Variants in CLIP4 observed in about 807,000 individuals in gnomAD.
CLIP4 encodes the protein CAP-Gly domain containing linker protein family member 4.
In CLIP4, 47 loss-of-function variants were observed where a neutral mutation model predicts 73.1. That is an observed-to-expected ratio of 0.64 (90% CI 0.51 to 0.82). The LOEUF (loss-of-function observed/expected upper bound fraction) is 0.82, where lower values mean the gene tolerates loss of function less well. Ranked by LOEUF, CLIP4 falls within the 40% of genes least tolerant of loss-of-function variation. The pLI, the probability that CLIP4 is intolerant of heterozygous loss-of-function variation, is 0.00. For missense variants in CLIP4, 874 were observed against 852.9 expected, an observed-to-expected ratio of 1.02 and a Z score of -0.31; for synonymous variants, 306 against 295.4, an observed-to-expected ratio of 1.04 and a Z score of -0.37.
At position 29,166,753 on chromosome 2, in the gene CLIP4, T is replaced by TG. The variant is rs1329693446; in HGVS notation, c.1659-722dup. Among the ~76,000 whole-genome samples the TG allele has an allele frequency of 5.3e-5, 8 of 152,330 alleles. No individual in the cohort carries two copies. The East Asian group carries it at 1.5e-3, about 29-fold the overall frequency. On this transcript the variant is annotated intron_variant, in intron 13 of 15. Coordinates refer to ENST00000320081, the MANE Select transcript of CLIP4 (RefSeq NM_024692.6). ...CCATCAGTCTCTCATTGCAGTATGT[T>TG]GTATATCATGTAAAAATGATGCCTA...
At chr2:29,135,804 A>G in intron 6 of CLIP4, 138 bp downstream of exon 6, 1 of 578,632 alleles carries the variant, frequency 1.7e-6, no homozygotes, top group Non-Finnish European at 3.0e-6. Context: ...CCACATGTAA[A>G]GAGTGATGAT....
intron 1 of CLIP4, among the ~76,000 whole-genome samples, chr2:29,119,636 T>C (rs993776431): frequency 2.6e-5 from 4 of 152,236 alleles, no homozygotes; most frequent in African/African-American, 7.2e-5. Context: ...GTTTGGTCTT[T>C]GATGAGGTAT....
At chr2:29,150,310 G>A (rs901966354) in intron 8 of CLIP4, among the ~76,000 whole-genome samples, 18 of 152,142 alleles carry the variant, frequency 1.2e-4, no homozygotes, top group Non-Finnish European at 1.5e-5. Context: ...AAGGTGGAGA[G>A]GGCTACCCTT....
chr2:29,152,636 T>C, intron 8 of CLIP4, 49 bp from the exon 9 acceptor site: 1 of 1,578,452 alleles, frequency 6.3e-7, no homozygotes, highest in African/African-American at 1.4e-5. Flanking sequence ...TGTTCCTTTA[T>C]TTGAAATGTT....
upstream of CLIP4, among the ~76,000 whole-genome samples, chr2:29,112,908 T>C (rs1036787448): frequency 2.0e-5 from 3 of 152,246 alleles, no homozygotes; most frequent in Non-Finnish European, 4.4e-5. Flanking sequence ...CTATTTCCTC[T>C]AACCCTTTTA....
chr2:29,144,275 TTC>T (rs541854445), intron 7 of CLIP4, among the ~76,000 whole-genome samples: 146 of 152,156 alleles, frequency 9.6e-4, no homozygotes, highest in Non-Finnish European at 1.9e-3. Flanking sequence ...CCAGTGGTAC[TTC>T]TCTGACTGCT....
At chr2:29,147,294 A>T (rs920771246) in intron 8 of CLIP4, among the ~76,000 whole-genome samples, 1 of 152,068 alleles carries the variant, frequency 6.6e-6, no homozygotes, top group Non-Finnish European at 1.5e-5. Context: ...TTTTCCCAGT[A>T]AAAATTGGGA....
chr2:29,173,877 CT>C (rs1668167707), intron 14 of CLIP4, among the ~76,000 whole-genome samples: 1 of 151,962 alleles, frequency 6.6e-6, no homozygotes. Context: ...ACCATTTTAT[CT>C]TTTTCTTTTT....
chr2:29,148,991 A>G (rs1450295334), intron 8 of CLIP4, among the ~76,000 whole-genome samples: 2 of 152,222 alleles, frequency 1.3e-5, no homozygotes, highest in African/African-American at 2.4e-5. Context: ...TTCTCTCAGT[A>G]TATTTAAGGA....
chr2:29,110,097 C>T (rs1032635268), intron 1 of CLIP4, among the ~76,000 whole-genome samples: 1 of 151,980 alleles, frequency 6.6e-6, no homozygotes, highest in Non-Finnish European at 1.5e-5. Flanking sequence ...TAGCATGAAA[C>T]TAAACTAGAT....
Position 29,181,613 on chromosome 2 carries a change from C to T in CLIP4, c.1838C>T (p.Thr613Ile). Residue 613 changes from threonine to isoleucine, a missense_variant, in exon 16 of 16, where the codon ACC (threonine) becomes ATC (isoleucine). By Grantham distance (89) the Thr-to-Ile change is moderately conservative. Coordinates refer to ENST00000320081, the MANE Select transcript of CLIP4 (RefSeq NM_024692.6). ...ALRRSWSSTP[T>I]AGGIEGSVKL... ...CGTCGCAGTTGGAGCAGCACCCCCA[C>T]CGCAGGTGGCATTGAAGGGAGCGTG... The T allele has an allele frequency of 2.5e-6, 4 of 1,613,384 alleles. No individual in the cohort carries two copies. Among genetic ancestry groups the T allele is most frequent in the Middle Eastern group, 3.3e-4 (2 of 6,058 alleles).
intron 6 of CLIP4, among the ~76,000 whole-genome samples, chr2:29,136,730 G>A (rs1322337868): frequency 6.6e-6 from 1 of 152,084 alleles, no homozygotes; most frequent in Non-Finnish European, 1.5e-5. Context: ...AGCATCTTAG[G>A]CAGAGAGAGT....
intron 14 of CLIP4, among the ~76,000 whole-genome samples, chr2:29,171,268 C>T (rs1205735523): frequency 6.6e-6 from 1 of 152,102 alleles, no homozygotes; most frequent in Admixed American, 6.5e-5. Flanking sequence ...TCTTTGATTT[C>T]TTCCATCAGA....
chr2:29,134,073 A>T (rs1020788693), intron 5 of CLIP4, among the ~76,000 whole-genome samples: 1 of 152,158 alleles, frequency 6.6e-6, no homozygotes, highest in Non-Finnish European at 1.5e-5. Context: ...GTTCTCCAGT[A>T]TAACACGGAT....
chr2:29,132,313 T>TGGG lies in CLIP4; in HGVS notation c.367+69_367+70insGGG, dbSNP rs1665032749. 5 of 1,286,988 alleles carry TGGG rather than the reference T, an allele frequency of 3.9e-6. No homozygotes were observed. In the Admixed American group the frequency reaches 7.0e-5, roughly 18 times the overall value. 79.7% of individuals were successfully genotyped at this position (1,286,988 alleles called of 1,614,324 possible). On this transcript the variant is annotated intron_variant, in intron 4 of 15. Transcript: ENST00000320081. ...CTTGTGCTTAGATAATCTATATTTA[T>TGGG]GCCCATATATTGTCTGGGGGAAGGC... is the stretch of plus-strand genomic sequence containing the variant.
chr2:29,155,127 C>T (rs1426244747), intron 9 of CLIP4, among the ~76,000 whole-genome samples: 1 of 152,072 alleles, frequency 6.6e-6, no homozygotes, highest in Non-Finnish European at 1.5e-5. Context: ...AGTAATGTAA[C>T]CACACTCCAA....
chr2:29,119,700 T>C (rs1350748242), intron 1 of CLIP4, among the ~76,000 whole-genome samples: 1 of 152,186 alleles, frequency 6.6e-6, no homozygotes, highest in African/African-American at 2.4e-5. Context: ...CTGACTGTTT[T>C]CCTAGTCATA....
intron 11 of CLIP4, among the ~76,000 whole-genome samples, chr2:29,157,568 T>C (rs1306036963): frequency 6.6e-6 from 1 of 152,252 alleles, no homozygotes; most frequent in Non-Finnish European, 1.5e-5. Flanking sequence ...AATTCATTCT[T>C]AGTGGTTTTA....
chr2:29,106,056 CTT>C (rs34819898), intron 1 of CLIP4, among the ~76,000 whole-genome samples: 15 of 144,842 alleles, frequency 1.0e-4, no homozygotes, highest in Non-Finnish European at 9.1e-5. Flanking sequence ...AGCATTTAAT[CTT>C]TTTTTTTTTT....
Sources: allele counts gnomAD v4.1 joint callset (sites outside exome capture counted in the v4.1 genomes callset), GRCh38; gene constraint gnomAD v4.1.1; transcripts MANE v1.5; gene names NCBI Gene and HGNC (gene_info 2026-07-23, HGNC 2026-07-21).